The following TMOD3 variants were observed in gnomAD, a reference collection of about 807,000 sequenced individuals.
TMOD3 encodes the protein tropomodulin 3, also known as tropomodulin-3.
TMOD3 carries 20 observed loss-of-function variants against 39.2 expected under a neutral mutation model. The observed-to-expected ratio is 0.51, with a 90% CI of 0.36 to 0.74. The LOEUF (loss-of-function observed/expected upper bound fraction) is 0.74, where lower values mean the gene tolerates loss of function less well. TMOD3 is among the 30% of genes least tolerant of loss of function. The probability of loss-of-function intolerance (pLI) is 0.00; values close to 1 mark genes in which losing one functional copy is unlikely to be tolerated. For synonymous variants in TMOD3, 143 were observed against 145.8 expected, an observed-to-expected ratio of 0.98 and a Z score of 0.14; for missense variants, 381 against 412.8, an observed-to-expected ratio of 0.92 and a Z score of 0.67.
chr15:51,897,863 T>A (rs2056629618), intron 7 of TMOD3, among the ~76,000 whole-genome samples: 1 of 151,368 alleles, frequency 6.6e-6, no homozygotes, highest in Non-Finnish European at 1.5e-5. Context: ...TTTGGCCCTA[T>A]CTTCAAAATA....
intron 1 of TMOD3, among the ~76,000 whole-genome samples, chr15:51,846,256 G>A (rs1225086810): frequency 6.6e-6 from 1 of 152,064 alleles, no homozygotes; most frequent in Non-Finnish European, 1.5e-5. Context: ...GCTTGAGCCC[G>A]GGAGTTTGAG....
chr15:51,884,402 A>G (rs1034350871), intron 3 of TMOD3, among the ~76,000 whole-genome samples: 9 of 152,200 alleles, frequency 5.9e-5, no homozygotes, highest in Non-Finnish European at 1.0e-4. Flanking sequence ...GGAATACAGA[A>G]GTACTTTATT....
chr15:51,867,889 A>G (rs1376121102), intron 2 of TMOD3, among the ~76,000 whole-genome samples: 2 of 152,194 alleles, frequency 1.3e-5, no homozygotes, highest in African/African-American at 2.4e-5. Context: ...ACAGGAGACA[A>G]CTTTAATCCA....
Position 51,856,009 on chromosome 15 carries a change from T to C in TMOD3, c.-74-6802T>C, listed in dbSNP as rs1365989128. On this transcript the variant is annotated intron_variant, in intron 1 of 9. Coordinates refer to ENST00000308580, the MANE Select transcript of TMOD3 (RefSeq NM_014547.5). Reference sequence around the variant, plus strand: ...TGTGGTGGGTAGCTCACGCCTGTAATCCCAGCACTTTAGGAGGTCGAGGCA... The same window carrying C: ...TGTGGTGGGTAGCTCACGCCTGTAACCCCAGCACTTTAGGAGGTCGAGGCA... 6.6e-5 allele frequency among the ~76,000 whole-genome samples: 10 copies of C among 152,202 alleles called. No homozygotes were observed. In the East Asian group the frequency reaches 1.9e-3, roughly 29 times the overall value.
intron 7 of TMOD3, 43 bp from the exon 8 acceptor site, chr15:51,900,112 C>T: frequency 1.3e-6 from 2 of 1,577,688 alleles, no homozygotes; most frequent in Non-Finnish European, 8.7e-7. Flanking sequence ...GTAGTAGGTA[C>T]TGTATCAAAT....
At chr15:51,842,413 G>A (rs769471840) in intron 1 of TMOD3, among the ~76,000 whole-genome samples, 4 of 152,146 alleles carry the variant, frequency 2.6e-5, no homozygotes, top group Non-Finnish European at 4.4e-5. Flanking sequence ...TTCCTAGCAA[G>A]CCCTCTTCAG....
At chr15:51,868,459 C>G (rs2056458478) in intron 2 of TMOD3, among the ~76,000 whole-genome samples, 1 of 152,130 alleles carries the variant, frequency 6.6e-6, no homozygotes, top group Non-Finnish European at 1.5e-5. Flanking sequence ...CCACCCTCCT[C>G]TATGCTCCAA....
rs1318708598 is a variant in TMOD3 at position 51,912,116 on chromosome 15, A to G, written c.*3306A>G. 6.6e-6 allele frequency: 1 copy of G among 152,232 alleles called. No homozygotes were observed. The highest frequency in any genetic ancestry group is 2.4e-5 in the African/African-American group (1 of 41,474). 9.4% of individuals were successfully genotyped at this position (152,232 alleles called of 1,614,324 possible). ...TTGTTTAAAAAGAGGATTCCATGAC[A>G]TAATAAAAATTATTTTAAAAAATGT... On this transcript the variant is annotated 3_prime_UTR_variant, in exon 10 of 10. Transcript: ENST00000308580.
chr15:51,835,173 A>T (rs2056276300), intron 1 of TMOD3: 1 of 152,238 alleles, frequency 6.6e-6, no homozygotes, highest in African/African-American at 2.4e-5. Context: ...AATGAAGGAG[A>T]TGTAAGCAAG....
At chr15:51,889,780 C>G (rs1447854011) in intron 5 of TMOD3, among the ~76,000 whole-genome samples, 1 of 152,142 alleles carries the variant, frequency 6.6e-6, no homozygotes, top group Non-Finnish European at 1.5e-5. Flanking sequence ...GGGAGGATGG[C>G]TTGAGCCCAG....
chr15:51,893,704 G>A (rs1407975126), intron 5 of TMOD3, 111 bp from the exon 6 acceptor site: 2 of 1,037,836 alleles, frequency 1.9e-6, no homozygotes, highest in Non-Finnish European at 2.6e-6. Context: ...GGCGGAGCTT[G>A]CAGTGAGCCG....
At chr15:51,852,638 A>G (rs1314056645) in intron 1 of TMOD3, among the ~76,000 whole-genome samples, 1 of 152,156 alleles carries the variant, frequency 6.6e-6, no homozygotes, top group Non-Finnish European at 1.5e-5. Context: ...TAGTTGTGAT[A>G]AGGGGATTAG....
At chr15:51,907,950 G>A (rs904035227) in intron 9 of TMOD3, among the ~76,000 whole-genome samples, 5 of 152,290 alleles carry the variant, frequency 3.3e-5, no homozygotes, top group South Asian at 2.1e-4. Flanking sequence ...TATGGTAGCC[G>A]GAAGTGACCA....
In TMOD3 at chr15:51,914,776, G is replaced by A. The variant is rs1019382883; in HGVS notation, c.*5966G>A. The A allele has an allele frequency of 2.0e-4, 31 of 151,286 alleles. No individual in the cohort carries two copies. Among genetic ancestry groups the A allele is most frequent in the African/African-American group, 7.5e-4 (31 of 41,080 alleles). The allele number at this position is 151,286 out of a possible 1,614,324, so 9.4% of individuals were successfully genotyped here. A position where few individuals can be genotyped will look rare whatever the true frequency, so the allele number is the denominator to read the frequency against. On this transcript the variant is annotated 3_prime_UTR_variant, in exon 10 of 10. Coordinates refer to ENST00000308580, the MANE Select transcript of TMOD3 (RefSeq NM_014547.5). ...GATGGAGGTTCACTCTTGTCGCCCAGGCTGGAGCGCAATGGTGCGATCTCA... is the reference window on the plus strand; with the variant it reads ...GATGGAGGTTCACTCTTGTCGCCCAAGCTGGAGCGCAATGGTGCGATCTCA...
intron 9 of TMOD3, 95 bp from the exon 10 acceptor site, chr15:51,908,681 A>G (rs1001794014): frequency 1.5e-5 from 14 of 912,256 alleles, no homozygotes; most frequent in Non-Finnish European, 2.1e-5. Flanking sequence ...TAAAACTTAT[A>G]ACTGGATTAT....
In TMOD3 at chr15:51,915,063, A is replaced by G. The variant is rs1479050730; in HGVS notation, c.*6253A>G. 1 of 152,174 alleles carries G rather than the reference A, an allele frequency of 6.6e-6. No homozygotes were observed. The highest frequency in any genetic ancestry group is 1.5e-5 in the Non-Finnish European group (1 of 68,032). The allele number at this position is 152,174 out of a possible 1,614,324, so 9.4% of individuals were successfully genotyped here. ...TACATTCGTAAGACAGACACCTCTT[A>G]GAATCTATATATATGAGGTTTTACT... On this transcript the variant is annotated 3_prime_UTR_variant, in exon 10 of 10. Coordinates refer to ENST00000308580, the MANE Select transcript of TMOD3 (RefSeq NM_014547.5).
At chr15:51,845,709 A>G (rs990142655) in intron 1 of TMOD3, among the ~76,000 whole-genome samples, 4 of 152,160 alleles carry the variant, frequency 2.6e-5, no homozygotes, top group African/African-American at 7.2e-5. Context: ...GTGAGCTGTC[A>G]TCACTCCAGC....
rs1307190604 is a variant in TMOD3 at position 51,910,883 on chromosome 15, A to G, written c.*2073A>G. ...AGTTAAAGGCCACTGATATTTTTCTAAGTTAGCAAGGCTCACTTGCTTGCT... is the reference window on the plus strand; with the variant it reads ...AGTTAAAGGCCACTGATATTTTTCTGAGTTAGCAAGGCTCACTTGCTTGCT... On this transcript the variant is annotated 3_prime_UTR_variant, in exon 10 of 10. Coordinates refer to ENST00000308580, the MANE Select transcript of TMOD3 (RefSeq NM_014547.5). 1 of 151,802 alleles carries G rather than the reference A, an allele frequency of 6.6e-6. No individual in the cohort carries two copies. Among genetic ancestry groups the G allele is most frequent in the Non-Finnish European group, 1.5e-5 (1 of 67,982 alleles). The allele number at this position is 151,802 out of a possible 1,614,324, so 9.4% of individuals were successfully genotyped here. A position where few individuals can be genotyped will look rare whatever the true frequency, so the allele number is the denominator to read the frequency against.
At chr15:51,908,473 C>A (rs922548036) in intron 9 of TMOD3, among the ~76,000 whole-genome samples, 1 of 152,118 alleles carries the variant, frequency 6.6e-6, no homozygotes, top group Non-Finnish European at 1.5e-5. Flanking sequence ...TGATTGCTGA[C>A]CATTCTGTTT....
Sources: allele counts gnomAD v4.1 joint callset (sites outside exome capture counted in the v4.1 genomes callset), GRCh38; gene constraint gnomAD v4.1.1; transcripts MANE v1.5; gene names NCBI Gene and HGNC (gene_info 2026-07-23, HGNC 2026-07-21).